Variants in CMIP observed in about 807,000 individuals in gnomAD.
CMIP encodes the protein C-Maf-inducing protein.
Under a neutral mutation model 97.3 loss-of-function variants are expected in CMIP, and 13 were observed. The observed-to-expected ratio is 0.13, with a 90% CI of 0.09 to 0.21. CMIP has a LOEUF of 0.21. CMIP is among the 10% of genes least tolerant of loss of function. The pLI is 1.00. For synonymous variants in CMIP, 538 were observed against 436.3 expected (o/e 1.23, Z -2.91); for missense variants, 847 against 1,024.9 (o/e 0.83, Z 2.37).
intron 1 of CMIP, among the ~76,000 whole-genome samples, chr16:81,563,234 G>T (rs2090918876): frequency 6.6e-6 from 1 of 152,240 alleles, no homozygotes; most frequent in Non-Finnish European, 1.5e-5. Flanking sequence ...GGAACAGTGA[G>T]AATACAGCAA....
chr16:81,592,455 C>T (rs998654055), intron 1 of CMIP, among the ~76,000 whole-genome samples: 11 of 152,226 alleles, frequency 7.2e-5, no homozygotes, highest in African/African-American at 2.7e-4. Context: ...GGCAGCCCTC[C>T]CCGTGTTCCA....
intron 1 of CMIP, among the ~76,000 whole-genome samples, chr16:81,564,469 T>G (rs1293532765): frequency 6.6e-6 from 1 of 152,204 alleles, no homozygotes; most frequent in Admixed American, 6.5e-5. Context: ...CCATGTAATG[T>G]GGCTCTGAGC....
At chr16:81,551,673 C>T (rs2150857456) in intron 1 of CMIP, among the ~76,000 whole-genome samples, 1 of 152,304 alleles carries the variant, frequency 6.6e-6, no homozygotes, top group South Asian at 2.1e-4. Flanking sequence ...ATCTCACAGT[C>T]ATTTGGTGAC....
Position 81,616,164 on chromosome 16 carries a change from T to C in CMIP, c.427-4712T>C, listed in dbSNP as rs2091915376. 6.6e-6 allele frequency among the ~76,000 whole-genome samples: 1 copy of C among 151,870 alleles called. No homozygotes were observed. Among genetic ancestry groups the C allele is most frequent in the Non-Finnish European group, 1.5e-5 (1 of 67,900 alleles). ...ATTCATTCAGCTGTATTTTTTTTTT[T>C]TTTTTTTTAACACCAGGCTCACTGG... On this transcript the variant is annotated intron_variant, in intron 2 of 20. Transcript: ENST00000537098. The surrounding 1 kb of genome is among the most constrained non-coding windows in gnomAD (Gnocchi z 4.7).
chr16:81,456,656 A>G (rs1906567637), intron 1 of CMIP, among the ~76,000 whole-genome samples: 1 of 152,190 alleles, frequency 6.6e-6, no homozygotes, highest in African/African-American at 2.4e-5. Context: ...AGAGGTCCCT[A>G]CTTACCCAGC....
intron 2 of CMIP, among the ~76,000 whole-genome samples, chr16:81,612,018 C>G (rs6564901): frequency 0.65 from 98,374 of 152,070 alleles, 32,238 homozygotes; most frequent in East Asian, 0.85. Flanking sequence ...TAGAATCCCT[C>G]GTTGCAGAAA....
In CMIP at chr16:81,621,038, G is replaced by T. The variant is rs1329229864; in HGVS notation, c.477+112G>T. 5.2e-6 allele frequency: 7 copies of T among 1,340,220 alleles called. No individual in the cohort carries two copies. In the African/African-American group the frequency reaches 1.0e-4, roughly 19 times the overall value. The allele number at this position is 1,340,220 out of a possible 1,614,324, so 83.0% of individuals were successfully genotyped here. ...GTGGAGAACTCATGCCTTCCAGATG[G>T]CTCAGCTGAGGAACTTTGTTCCCCT... On this transcript the variant is annotated intron_variant, in intron 3 of 20. Coordinates refer to ENST00000537098, the MANE Select transcript of CMIP (RefSeq NM_198390.3). This position sits in a 1 kb window ranked among gnomAD's most constrained non-coding sequence, Gnocchi z 4.1.
intron 1 of CMIP, among the ~76,000 whole-genome samples, chr16:81,524,660 T>G (rs2090093260): frequency 6.6e-6 from 1 of 152,206 alleles, no homozygotes; most frequent in South Asian, 2.1e-4. Context: ...CACAGCTCAT[T>G]AGTGGGTTTG....
chr16:81,511,223 A>T (rs1191397184), intron 1 of CMIP, among the ~76,000 whole-genome samples: 1 of 152,226 alleles, frequency 6.6e-6, no homozygotes, highest in Non-Finnish European at 1.5e-5. Flanking sequence ...CTTAAATAGG[A>T]ATCTCTAAAA....
At chr16:81,609,366 C>T (rs1463288773) in intron 2 of CMIP, among the ~76,000 whole-genome samples, 3 of 152,206 alleles carry the variant, frequency 2.0e-5, no homozygotes, top group Non-Finnish European at 4.4e-5. Flanking sequence ...TGGTCAGTGC[C>T]AGCCCCCCTC....
chr16:81,518,375 G>A (rs1243448685), intron 1 of CMIP: 1 of 152,270 alleles, frequency 6.6e-6, no homozygotes, highest in Non-Finnish European at 1.5e-5. Context: ...ACTTCATGGT[G>A]AATGGCATCC....
At chr16:81,598,444 A>G (rs2091600519) in intron 1 of CMIP, among the ~76,000 whole-genome samples, 2 of 152,236 alleles carry the variant, frequency 1.3e-5, no homozygotes, top group African/African-American at 4.8e-5. Flanking sequence ...GCCAGTGCAG[A>G]TACGGAGCGT....
At chr16:81,506,089 G>A (rs944336258) in intron 1 of CMIP, among the ~76,000 whole-genome samples, 4 of 152,236 alleles carry the variant, frequency 2.6e-5, no homozygotes, top group Non-Finnish European at 5.9e-5. Flanking sequence ...TACACACGTT[G>A]TCTCTATTCA....
In CMIP at chr16:81,678,490, C is replaced by T. The variant is rs202217278; in HGVS notation, c.1250C>T (p.Thr417Met). 7.6e-5 allele frequency: 121 copies of T among 1,597,838 alleles called. No individual in the cohort carries two copies. In the African/African-American group the frequency reaches 1.4e-3, roughly 19 times the overall value. Residue 417 changes from threonine (T) to methionine (M), a missense_variant, in exon 10 of 21, where the codon ACG becomes ATG. Coordinates refer to ENST00000537098, the MANE Select transcript of CMIP (RefSeq NM_198390.3). ...ACCAGCACTGCCAAGCCGGCGCTGACGGCCAGCGCAGGCAACGACAGCGAG... is the reference window on the plus strand; with the variant it reads ...ACCAGCACTGCCAAGCCGGCGCTGATGGCCAGCGCAGGCAACGACAGCGAG... The part of the protein sequence containing the change: ...ERTSTAKPAL[T>M]ASAGNDSEPN...
At chr16:81,620,784 G>T (rs1448494143) in intron 2 of CMIP, 92 bp from the exon 3 acceptor site, 1 of 1,457,648 alleles carries the variant, frequency 6.9e-7, no homozygotes, top group Non-Finnish European at 9.5e-7. Context: ...TGTCTACAGA[G>T]CAGGCTTGGG....
At chr16:81,606,340 G>A (rs1393615618) in intron 1 of CMIP, among the ~76,000 whole-genome samples, 1 of 152,198 alleles carries the variant, frequency 6.6e-6, no homozygotes, top group African/African-American at 2.4e-5. Flanking sequence ...ATGTGCCCAG[G>A]GTGCATGGGA....
At chr16:81,681,107 C>G (rs1302207108) in intron 10 of CMIP, among the ~76,000 whole-genome samples, 1 of 152,202 alleles carries the variant, frequency 6.6e-6, no homozygotes, top group Non-Finnish European at 1.5e-5. Flanking sequence ...AGGACGGGTT[C>G]CCGATGGGGC....
At chr16:81,595,789 C>T (rs1284618988) in intron 1 of CMIP, among the ~76,000 whole-genome samples, 1 of 152,162 alleles carries the variant, frequency 6.6e-6, no homozygotes, top group African/African-American at 2.4e-5. Context: ...TATCCATCAT[C>T]TGTTGATGGA....
intron 7 of CMIP, among the ~76,000 whole-genome samples, chr16:81,668,959 C>A (rs2092644275): frequency 6.7e-6 from 1 of 148,886 alleles, no homozygotes; most frequent in South Asian, 2.2e-4. Flanking sequence ...ACCTTCCACA[C>A]CCACCTCACA....
Sources: gnomAD v4.1 joint callset for allele counts (sites outside exome capture counted in the v4.1 genomes callset) on GRCh38, gnomAD v4.1.1 for gene constraint, Gnocchi (gnomAD v3.1) non-coding constraint, MANE v1.5 for transcripts, NCBI Gene and HGNC (gene_info 2026-07-23, HGNC 2026-07-21) for gene names.